Variants in HEXB observed in about 807,000 individuals in gnomAD.
HEXB encodes beta-hexosaminidase subunit beta.
In HEXB, 51 loss-of-function variants were observed where a neutral mutation model predicts 71.2. That is an observed-to-expected ratio of 0.72 (90% confidence interval 0.57 to 0.90). The LOEUF (loss-of-function observed/expected upper bound fraction) is 0.90, where lower values mean the gene tolerates loss of function less well. Among genes scored for constraint, HEXB ranks in the 40% least tolerant of loss-of-function variants. The probability of loss-of-function intolerance (pLI) is 0.00; values close to 1 mark genes in which losing one functional copy is unlikely to be tolerated. For synonymous variants in HEXB, 266 were observed against 249.3 expected (o/e 1.07, Z -0.63); for missense variants, 617 against 677.0 (o/e 0.91, Z 0.98).
chr5:74,685,403 T>C lies in HEXB; in HGVS notation c.143T>C (p.Val48Ala), dbSNP rs753522932. The C allele has an allele frequency of 1.3e-6, 2 of 1,595,754 alleles. No individual in the cohort carries two copies. Among genetic ancestry groups the C allele is most frequent in the Non-Finnish European group, 1.7e-6 (2 of 1,173,514 alleles). Residue 48 changes from valine (V) to alanine (A), a missense_variant, in exon 1 of 14, where the codon GTC becomes GCC. Physicochemically the swap from Val to Ala is moderately conservative, Grantham distance 64. Coordinates refer to ENST00000261416, the MANE Select transcript of HEXB (RefSeq NM_000521.4). ...QVAEAARAPS[V>A]SAKPGPALWP... is the part of the protein sequence containing the mutation. ...GCGGAGGCGGCTCGGGCCCCGAGCG[T>C]CTCGGCCAAGCCGGGGCCGGCGCTG...
Position 74,697,048 on chromosome 5 carries a change from G to T in HEXB, c.611G>T (p.Gly204Val). The part of the protein sequence containing the change: ...IIDSPRFSHR[G>V]ILIDTSRHYL... The stretch of plus-strand genomic sequence containing the variant: ...GATTCTCCAAGGTTTTCTCACAGAG[G>T]AATTTTGATTGATACATCCAGACAT... The change falls in exon 5 of 14, where the codon GGA becomes GTA. Residue 204 changes from glycine (G) to valine (V), a missense_variant. By Grantham distance (109) the Gly-to-Val change is moderately radical. Coordinates refer to ENST00000261416, the MANE Select transcript of HEXB (RefSeq NM_000521.4). 6.3e-7 allele frequency: 1 copy of T among 1,586,448 alleles called. No homozygotes were observed.
At chr5:74,645,998 A>C (rs917594089) in intron 1 of HEXB, among the ~76,000 whole-genome samples, 2 of 151,582 alleles carry the variant, frequency 1.3e-5, no homozygotes. Flanking sequence ...AGACTCTAGA[A>C]CCAAACTTGG....
At chr5:74,711,799 G>A (rs573887699) in intron 6 of HEXB, among the ~76,000 whole-genome samples, 3,626 of 152,066 alleles carry the variant, frequency 0.024, 143 homozygotes, top group African/African-American at 0.083. Flanking sequence ...TGCTGGAGAG[G>A]ATGTGGAGAA....
At chr5:74,696,913 G>A (rs1002117890) in intron 4 of HEXB, 83 bp from the exon 5 acceptor site, 37 of 802,286 alleles carry the variant, frequency 4.6e-5, no homozygotes, top group Non-Finnish European at 7.5e-5. Context: ...TTTATGAAAT[G>A]CTTGTATAAA....
intron 1 of HEXB, among the ~76,000 whole-genome samples, chr5:74,647,110 G>C (rs1748016286): frequency 6.6e-6 from 1 of 152,148 alleles, no homozygotes; most frequent in Non-Finnish European, 1.5e-5. Flanking sequence ...TGTGGGGTGT[G>C]GCTTTGCACA....
At chr5:74,680,133 C>T (rs1748712137) in intron 1 of HEXB, among the ~76,000 whole-genome samples, 1 of 152,136 alleles carries the variant, frequency 6.6e-6, no homozygotes, top group Non-Finnish European at 1.5e-5. Flanking sequence ...CCAGCATGAA[C>T]TGAAAGGGAT....
At chr5:74,716,564 A>C (rs1749677223) in intron 8 of HEXB, 23 bp from the exon 9 acceptor site, 1 of 1,487,882 alleles carries the variant, frequency 6.7e-7, no homozygotes. Context: ...TTCTAATGAA[A>C]TTTTAATCAC....
chr5:74,658,927 T>C (rs13187309), intron 1 of HEXB, among the ~76,000 whole-genome samples: 75,203 of 151,942 alleles, frequency 0.49, 19,019 homozygotes, highest in East Asian at 0.63. Context: ...TCTTAGGTAC[T>C]ATGTCCTTGA....
chr5:74,682,376 C>CA (rs919157280), upstream of HEXB, among the ~76,000 whole-genome samples: 24 of 151,876 alleles, frequency 1.6e-4, no homozygotes, highest in African/African-American at 4.8e-4. Context: ...CAAAACAAAA[C>CA]AAAAAAAAGA....
At chr5:74,663,543 C>A (rs898081524) in intron 1 of HEXB, among the ~76,000 whole-genome samples, 2 of 152,052 alleles carry the variant, frequency 1.3e-5, no homozygotes, top group Non-Finnish European at 2.9e-5. Flanking sequence ...AGGCTTAAGA[C>A]TTTAGATGCT....
chr5:74,718,738 T>C, intron 10 of HEXB, 59 bp from the exon 11 acceptor site: 1 of 1,523,320 alleles, frequency 6.6e-7, no homozygotes, highest in Non-Finnish European at 9.1e-7. Context: ...CCTTAAACTT[T>C]CAATTTCATC....
chr5:74,668,666 G>T (rs964749396), intron 1 of HEXB, among the ~76,000 whole-genome samples: 1 of 152,190 alleles, frequency 6.6e-6, no homozygotes, highest in Non-Finnish European at 1.5e-5. Context: ...TTAGCCCCCA[G>T]GGACCTCCTG....
rs146572414 is a variant in HEXB at position 74,718,982 on chromosome 5, C to T, written c.1417+11C>T. 9.6e-4 allele frequency: 1,557 copies of T among 1,613,566 alleles called. 9 individuals are homozygous for T. In the Middle Eastern group the frequency reaches 0.012, roughly 13 times the overall value. ...CTCTTGATTTTGGCGGTAAGTGAAG[C>T]AGTTGGTCCAAGTGTTGTGGGTTAC... is the stretch of plus-strand genomic sequence containing the variant. On this transcript the variant is annotated intron_variant, in intron 11 of 13. Transcript: ENST00000261416.
intron 5 of HEXB, among the ~76,000 whole-genome samples, chr5:74,700,271 G>A (rs1395673476): frequency 1.3e-5 from 2 of 151,652 alleles, no homozygotes; most frequent in Non-Finnish European, 2.9e-5. Flanking sequence ...GCCTCTCAGA[G>A]TGCTAGGATT....
intron 1 of HEXB, among the ~76,000 whole-genome samples, chr5:74,660,471 A>G (rs952158303): frequency 1.3e-5 from 2 of 152,252 alleles, no homozygotes; most frequent in African/African-American, 2.4e-5. Flanking sequence ...AACATAGGTC[A>G]TGATGCCTGA....
intron 6 of HEXB, among the ~76,000 whole-genome samples, chr5:74,710,241 T>C (rs1053533967): frequency 4.0e-5 from 6 of 151,868 alleles, no homozygotes; most frequent in African/African-American, 1.5e-4. Context: ...TCAACAACCC[T>C]TCATGCTAAA....
In HEXB at chr5:74,647,308, G is replaced by A. The variant is rs562392325; in HGVS notation, c.-377+6750G>A. ...CTAGGGCACAATGCCAAGTCTCTAA[G>A]CATGTCTGGGCATGAAGAAGGGACT... is the stretch of plus-strand genomic sequence containing the variant. On this transcript the variant is annotated intron_variant, in intron 1 of 13. Transcript: ENST00000511181. Among the ~76,000 whole-genome samples the A allele has an allele frequency of 2.0e-5, 3 of 152,358 alleles. No homozygotes were observed. In the South Asian group the frequency reaches 6.2e-4, roughly 32 times the overall value.
At chr5:74,711,902 A>G (rs1369999556) in intron 6 of HEXB, among the ~76,000 whole-genome samples, 1 of 150,574 alleles carries the variant, frequency 6.6e-6, no homozygotes, top group East Asian at 1.9e-4. Context: ...AACTAGAAAT[A>G]CCATTTGACC....
intron 5 of HEXB, among the ~76,000 whole-genome samples, chr5:74,697,935 C>T (rs1205137290): frequency 6.6e-6 from 1 of 151,920 alleles, no homozygotes; most frequent in African/African-American, 2.4e-5. Context: ...TAACTGTTTT[C>T]TCCTATGGGC....
Sources: gnomAD v4.1 joint callset for allele counts (sites outside exome capture counted in the v4.1 genomes callset) on GRCh38, gnomAD v4.1.1 for gene constraint, MANE v1.5 for transcripts, NCBI Gene and HGNC (gene_info 2026-07-23, HGNC 2026-07-21) for gene names.